PPP4R3B: variants seen among roughly 807,000 people sequenced by gnomAD.
The protein encoded by PPP4R3B is serine/threonine-protein phosphatase 4 regulatory subunit 3B.
A neutral mutation model predicts 95.4 loss-of-function variants in PPP4R3B; 52 were observed. The observed-to-expected ratio is 0.54, with a 90% CI of 0.44 to 0.69. The LOEUF is 0.69. PPP4R3B is among the 30% of genes least tolerant of loss of function. The pLI is 0.00. For synonymous variants in PPP4R3B, 407 were observed against 343.9 expected (o/e 1.18, Z -2.03); for missense variants, 1,003 against 1,005.9 (o/e 1.00, Z 0.04).
At chr2:55,574,935 C>CTTTTTTT (rs70954131) in intron 11 of PPP4R3B, among the ~76,000 whole-genome samples, 1 of 99,330 alleles carries the variant, frequency 1.0e-5, no homozygotes, top group Non-Finnish European at 2.0e-5. Context: ...TATACAACTT[C>CTTTTTTT]TTTTTTTTTT....
At chr2:55,581,506 A>G in intron 8 of PPP4R3B, 61 bp downstream of exon 8, 1 of 1,514,892 alleles carries the variant, frequency 6.6e-7, no homozygotes, top group South Asian at 1.3e-5. Context: ...TCAAAATCTT[A>G]TTACAAAGCC....
chr2:55,607,138 C>A (rs1395057826), intron 2 of PPP4R3B, among the ~76,000 whole-genome samples: 1 of 152,066 alleles, frequency 6.6e-6, no homozygotes, highest in Non-Finnish European at 1.5e-5. Context: ...AATAAAAAAA[C>A]AGTTTCTCAT....
At chr2:55,559,016 G>C (rs1468372813) in intron 15 of PPP4R3B, 48 bp from the exon 16 acceptor site, 1 of 1,428,796 alleles carries the variant, frequency 7.0e-7, no homozygotes, top group Non-Finnish European at 9.6e-7. Context: ...ATACTGCTAA[G>C]TCAAAACATC....
At chr2:55,556,979 G>A (rs186194858) in intron 16 of PPP4R3B, among the ~76,000 whole-genome samples, 3 of 152,166 alleles carry the variant, frequency 2.0e-5, no homozygotes, top group African/African-American at 7.2e-5. Context: ...GGGAGGATCA[G>A]TTGAGCCCAG....
chr2:55,556,704 T>G (rs1009110976), intron 16 of PPP4R3B, among the ~76,000 whole-genome samples: 1 of 152,114 alleles, frequency 6.6e-6, no homozygotes, highest in African/African-American at 2.4e-5. Context: ...CTCAGCATTT[T>G]ACATTTGTTA....
At chr2:55,568,431 TC>T (rs1457392603) in intron 12 of PPP4R3B, 68 bp from the exon 13 acceptor site, 2 of 1,338,790 alleles carry the variant, frequency 1.5e-6, no homozygotes, top group Non-Finnish European at 2.0e-6. Context: ...CAGGTGTTTT[TC>T]CACCATAAAG....
chr2:55,599,954 T>C (rs1692318895), intron 3 of PPP4R3B, among the ~76,000 whole-genome samples: 1 of 152,218 alleles, frequency 6.6e-6, no homozygotes, highest in Non-Finnish European at 1.5e-5. Context: ...AGGTTAACAT[T>C]TCCATATGTA....
At chr2:55,564,795 A>G (rs960132780) in intron 14 of PPP4R3B, 107 bp downstream of exon 14, 116 of 1,336,548 alleles carry the variant, frequency 8.7e-5, no homozygotes, top group Non-Finnish European at 1.1e-4. Context: ...TATGCTATCC[A>G]GTGATGGAAA....
chr2:55,564,420 T>G lies in PPP4R3B; in HGVS notation c.2153A>C (p.Asn718Thr), dbSNP rs138438998. ...TTTTCCTTCCTCTTCTTCATCTTCA[T>G]TAAACCACATTTCTTCATCCTCTTC... ...ALEEDEEMWF[N>T]EDEEEEGKAV... Residue 718 changes from asparagine to threonine, a missense_variant, in exon 15 of 17, where the codon AAT (asparagine) becomes ACT (threonine). This residue lies in a region of PPP4R3B where 229 missense variants were observed against 194.7 expected (regional missense o/e 1.18). Coordinates refer to ENST00000616407, the MANE Select transcript of PPP4R3B (RefSeq NM_001122964.3). 3.7e-6 allele frequency: 6 copies of G among 1,613,876 alleles called. No individual in the cohort carries two copies. The highest frequency in any genetic ancestry group is 1.1e-5 in the South Asian group (1 of 91,054).
chr2:55,600,318 CG>C (rs1692367268), intron 3 of PPP4R3B, among the ~76,000 whole-genome samples: 2 of 149,040 alleles, frequency 1.3e-5, no homozygotes, highest in East Asian at 2.0e-4. Flanking sequence ...CCCAGCTACT[CG>C]AGAGGCTGAG....
chr2:55,564,415 C>T lies in PPP4R3B; in HGVS notation c.2158G>A (p.Asp720Asn). The T allele has an allele frequency of 6.2e-7, 1 of 1,613,840 alleles. No homozygotes were observed. Among genetic ancestry groups the T allele is most frequent in the South Asian group, 1.1e-5 (1 of 91,060 alleles). ...ACTGCTTTTCCTTCCTCTTCTTCAT[C>T]TTCATTAAACCACATTTCTTCATCC... ...EEDEEMWFNE[D>N]EEEEGKAVVA... Residue 720 changes from aspartate (D) to asparagine (N), a missense_variant, in exon 15 of 17, where the codon GAT (aspartate) becomes AAT (asparagine). Physicochemically the swap from Asp to Asn is conservative, Grantham distance 23. Coordinates refer to ENST00000616407, the MANE Select transcript of PPP4R3B (RefSeq NM_001122964.3).
intron 15 of PPP4R3B, among the ~76,000 whole-genome samples, chr2:55,562,727 A>T (rs1346787289): frequency 6.6e-6 from 1 of 152,206 alleles, no homozygotes; most frequent in Non-Finnish European, 1.5e-5. Context: ...GACCTTACGG[A>T]TCATAACAAA....
rs374844256 is a variant in PPP4R3B, at chr2:55,617,330, C to G, written c.-45G>C. Reference sequence around the variant, plus strand: ...GCTCTAGCCGCCGCCTCCTCGCTTACCTCGTCCGCGCTCCTCACTCTTAGG... The same window carrying G: ...GCTCTAGCCGCCGCCTCCTCGCTTAGCTCGTCCGCGCTCCTCACTCTTAGG... On this transcript the variant is annotated 5_prime_UTR_variant, in exon 1 of 17. Coordinates refer to ENST00000616407, the MANE Select transcript of PPP4R3B (RefSeq NM_001122964.3). 1.3e-6 allele frequency: 2 copies of G among 1,535,362 alleles called. No individual in the cohort carries two copies. Among genetic ancestry groups the G allele is most frequent in the East Asian group, 2.3e-5 (1 of 42,710 alleles).
At chr2:55,564,163 A>G (rs1465613075) in intron 15 of PPP4R3B, 150 bp downstream of exon 15, 2 of 588,332 alleles carry the variant, frequency 3.4e-6, no homozygotes, top group Non-Finnish European at 5.5e-6. Context: ...ACAGATTTGG[A>G]AAAAGTACAT....
chr2:55,588,823 A>G, intron 5 of PPP4R3B, 56 bp downstream of exon 5: 2 of 1,155,934 alleles, frequency 1.7e-6, no homozygotes, highest in South Asian at 3.3e-5. Flanking sequence ...CAAGATTAAA[A>G]GCTGTGCATG....
chr2:55,593,245 G>T (rs923434889), intron 4 of PPP4R3B, among the ~76,000 whole-genome samples: 1 of 152,168 alleles, frequency 6.6e-6, no homozygotes, highest in African/African-American at 2.4e-5. Flanking sequence ...CAATTAGCTA[G>T]AACATTTGGA....
In PPP4R3B at chr2:55,573,819, A is replaced by C. The variant is rs185027950; in HGVS notation, c.1607-42T>G. 950 of 1,275,478 alleles carry C rather than the reference A, an allele frequency of 7.4e-4. 3 individuals carry two copies. The African/African-American group carries it at 0.013, about 18-fold the overall frequency. 79.0% of individuals were successfully genotyped at this position (1,275,478 alleles called of 1,614,324 possible). ...TCTCATGAAAATAAATATTGAATAT[A>C]TCTAAATAAAGAATAAATAAAGCTT... On this transcript the variant is annotated intron_variant, in intron 11 of 16. Transcript: ENST00000616407.
intron 11 of PPP4R3B, 109 bp from the exon 12 acceptor site, chr2:55,573,886 CTTTTTTTTTT>C (rs369126683): frequency 2.2e-5 from 6 of 277,646 alleles, no homozygotes; most frequent in Non-Finnish European, 2.9e-5. Context: ...GTATTTCCTC[CTTTTTTTTTT>C]TTTTTTTTTT....
chr2:55,587,950 C>T (rs1157914359), intron 5 of PPP4R3B, among the ~76,000 whole-genome samples: 1 of 151,930 alleles, frequency 6.6e-6, no homozygotes, highest in African/African-American at 2.4e-5. Flanking sequence ...AATCTGAAAC[C>T]GAAGATATTC....
Sources: gnomAD v4.1 joint callset for allele counts (sites outside exome capture counted in the v4.1 genomes callset) on GRCh38, gnomAD v4.1.1 for gene constraint, gnomAD v4.1.1 regional missense constraint, MANE v1.5 for transcripts, NCBI Gene and HGNC (gene_info 2026-07-23, HGNC 2026-07-21) for gene names.